The following SORBS3 variants were observed in gnomAD, a reference collection of about 807,000 sequenced individuals.
The protein encoded by SORBS3 is vinexin.
A neutral mutation model predicts 98.0 loss-of-function variants in SORBS3; 69 were observed. The ratio of observed to expected loss-of-function variants is 0.70; its 90% CI spans 0.58 to 0.86. The LOEUF is 0.86. Among genes scored for constraint, SORBS3 ranks in the 40% least tolerant of loss-of-function variants. The probability of loss-of-function intolerance (pLI) is 0.00; values close to 1 mark genes in which losing one functional copy is unlikely to be tolerated. For missense variants in SORBS3, 954 were observed against 908.5 expected (o/e 1.05, Z -0.64); for synonymous variants, 394 against 355.4 (o/e 1.11, Z -1.22).
chr8:22,559,057 G>C (rs1443587503), intron 5 of SORBS3, among the ~76,000 whole-genome samples: 2 of 152,340 alleles, frequency 1.3e-5, no homozygotes, highest in Non-Finnish European at 1.5e-5. Flanking sequence ...AAATAAGGAG[G>C]AGCCACTGAG....
Position 22,561,932 on chromosome 8 carries a change from G to A in SORBS3, c.584+1G>A, listed in dbSNP as rs775885169. On this transcript the variant is annotated splice_donor_variant, in intron 7 of 20. Transcript: ENST00000240123. LOFTEE classifies it high-confidence loss of function. ...CCGGCCCGGCAACATCTTCCAGTGGGTGAGCACAGTGGGGCGGGGCCGAGG... is the reference window on the plus strand; with the variant it reads ...CCGGCCCGGCAACATCTTCCAGTGGATGAGCACAGTGGGGCGGGGCCGAGG... The A allele has an allele frequency of 3.1e-6, 5 of 1,614,026 alleles. No individual in the cohort carries two copies. In the South Asian group the frequency reaches 5.5e-5, roughly 18 times the overall value.
In SORBS3 at chr8:22,565,815, TC is replaced by T; in HGVS notation, c.904-7del. On this transcript the variant is annotated splice_polypyrimidine_tract_variant and intron_variant, in intron 11 of 20. Transcript: ENST00000240123. ...GGTCGCGGGCCCTGATTGCGCCGTT[TC>T]CCCGCGCAGAGCTCGCCGGCGCCCC... The T allele has an allele frequency of 7.6e-7, 1 of 1,316,622 alleles. No individual in the cohort carries two copies. Among genetic ancestry groups the T allele is most frequent in the Non-Finnish European group, 9.7e-7 (1 of 1,031,434 alleles). The allele number at this position is 1,316,622 out of a possible 1,614,324, so 81.6% of individuals were successfully genotyped here. A position where few individuals can be genotyped will look rare whatever the true frequency, so the allele number is the denominator to read the frequency against.
chr8:22,565,864 C>A lies in SORBS3; in HGVS notation c.942C>A (p.Pro314=). 1 of 1,270,142 alleles carries A rather than the reference C, an allele frequency of 7.9e-7. No individual in the cohort carries two copies. The highest frequency in any genetic ancestry group is 9.9e-7 in the Non-Finnish European group (1 of 1,008,398). The allele number at this position is 1,270,142 out of a possible 1,614,324, so 78.7% of individuals were successfully genotyped here. The change falls in exon 12 of 21, where the codon CCC becomes CCA. Residue 314 remains proline (P), a synonymous_variant. Coordinates refer to ENST00000240123, the MANE Select transcript of SORBS3 (RefSeq NM_005775.5). ...PAPRRAPEQR[P]PAGPASAWSS... ...CCCGACGGGCCCCGGAGCAGCGGCC[C>A]CCGGCCGGGTGAGTGGGAGACGCGG...
Position 22,554,398 on chromosome 8 carries a change from G to T in SORBS3, c.-55-54G>T. The T allele has an allele frequency of 6.7e-7, 1 of 1,499,694 alleles. No homozygotes were observed. The highest frequency in any genetic ancestry group is 2.4e-5 in the East Asian group (1 of 42,330). 92.9% of individuals were successfully genotyped at this position (1,499,694 alleles called of 1,614,324 possible). ...CCCTATCCCAGGGTCGAGCCAAGAG[G>T]GCATGGGCAGCCTAGCCTAGCAGGG... On this transcript the variant is annotated intron_variant, in intron 1 of 20. Transcript: ENST00000240123. This position sits in a 1 kb window ranked among gnomAD's most constrained non-coding sequence, Gnocchi z 6.5.
intron 17 of SORBS3, 120 bp from the exon 18 acceptor site, chr8:22,570,790 C>T: frequency 4.6e-6 from 4 of 860,354 alleles, no homozygotes; most frequent in Non-Finnish European, 6.9e-6. Context: ...TGCTGGCCCC[C>T]TGCGATTCCG....
chr8:22,566,389 T>C lies in SORBS3; in HGVS notation c.995T>C (p.Leu332Pro). 6.2e-7 allele frequency: 1 copy of C among 1,614,052 alleles called. No homozygotes were observed. Among genetic ancestry groups the C allele is most frequent in the South Asian group, 1.1e-5 (1 of 91,088 alleles). ...WSSSYPHAPY[L>P]GSARSLSPHK... Reference sequence around the variant, plus strand: ...TCCAGCTACCCACATGCACCTTACCTGGGTTCCGCCCGGTCCCTGAGTCCC... The same window carrying C: ...TCCAGCTACCCACATGCACCTTACCCGGGTTCCGCCCGGTCCCTGAGTCCC... The change falls in exon 13 of 21, where the codon CTG becomes CCG. Residue 332 changes from leucine (L) to proline (P), a missense_variant. Transcript: ENST00000240123.
chr8:22,558,053 A>T (rs1840220369), intron 4 of SORBS3, 76 bp from the exon 5 acceptor site: 3 of 1,446,396 alleles, frequency 2.1e-6, no homozygotes. Context: ...GGGACTCACT[A>T]GGGAAAGATT....
intron 11 of SORBS3, 136 bp downstream of exon 11, chr8:22,565,490 G>A (rs2117262280): frequency 1.5e-6 from 1 of 671,722 alleles, no homozygotes; most frequent in East Asian, 3.7e-5. Context: ...CCGGCCTCGG[G>A]CCCTCCTGGG....
rs113238005 is a variant in SORBS3, at chr8:22,554,182, C to T, written c.-55-270C>T. On this transcript the variant is annotated intron_variant, in intron 1 of 20. Transcript: ENST00000240123. The surrounding 1 kb of genome is among the most constrained non-coding windows in gnomAD (Gnocchi z 6.5). The stretch of plus-strand genomic sequence containing the variant: ...GCTCCTGGCCAGCCCCTCCCCTCCT[C>T]CTCACCCAAGCTCCCCCTCCCCCAC... 3.4e-3 allele frequency: 792 copies of T among 233,718 alleles called. 10 individuals carry two copies. Among genetic ancestry groups the T allele is most frequent in the African/African-American group, 0.016 (699 of 43,840 alleles). The allele number at this position is 233,718 out of a possible 1,614,324, so 14.5% of individuals were successfully genotyped here.
chr8:22,560,127 A>T (rs953890552), intron 5 of SORBS3, among the ~76,000 whole-genome samples: 22 of 152,186 alleles, frequency 1.4e-4, no homozygotes, highest in Middle Eastern at 3.4e-3. Context: ...GGGAAACTTT[A>T]AACTTTTAAC....
At chr8:22,568,722 G>C (rs1264929370) in intron 16 of SORBS3, among the ~76,000 whole-genome samples, 2 of 152,210 alleles carry the variant, frequency 1.3e-5, no homozygotes, top group Admixed American at 6.5e-5. Context: ...AGGAAGAACC[G>C]AGACGCTGGA....
chr8:22,556,801 TG>T lies in SORBS3; in HGVS notation c.309del (p.Trp103CysfsTer75), dbSNP rs1372847377. The stretch of plus-strand genomic sequence containing the variant: ...CCCTGCCTCCCAGCACACCCAGAAC[TG>T]GTCAGCCACGTGGACCAAGGACAGC... ...KIPASQHTQN[W>X]SATWTKDSKR... On this transcript the variant is annotated frameshift_variant, in exon 4 of 21. Coordinates refer to ENST00000240123, the MANE Select transcript of SORBS3 (RefSeq NM_005775.5). LOFTEE classifies it high-confidence loss of function. 6.2e-7 allele frequency: 1 copy of T among 1,613,688 alleles called. No individual in the cohort carries two copies. Among genetic ancestry groups the T allele is most frequent in the East Asian group, 2.2e-5 (1 of 44,874 alleles).
rs1427241112 is a variant in SORBS3 at position 22,574,849 on chromosome 8, G to C, written c.*121G>C. Reference sequence around the variant, plus strand: ...AGGACCTGAGCTCCCAGCATCTGCAGACGACCCCCGCAGCCTTTCCCTCGG... The same window carrying C: ...AGGACCTGAGCTCCCAGCATCTGCACACGACCCCCGCAGCCTTTCCCTCGG... On this transcript the variant is annotated 3_prime_UTR_variant, in exon 21 of 21. Coordinates refer to ENST00000240123, the MANE Select transcript of SORBS3 (RefSeq NM_005775.5). 1 of 966,694 alleles carries C rather than the reference G, an allele frequency of 1.0e-6. No individual in the cohort carries two copies. Among genetic ancestry groups the C allele is most frequent in the Non-Finnish European group, 1.7e-6 (1 of 600,888 alleles). 59.9% of individuals were successfully genotyped at this position (966,694 alleles called of 1,614,324 possible). A position where few individuals can be genotyped will look rare whatever the true frequency, so the allele number is the denominator to read the frequency against.
In SORBS3 at chr8:22,574,821, C is replaced by G. The variant is rs756335968; in HGVS notation, c.*93C>G. ...AGGACCCCCGCCCACATCCTCCTTC[C>G]CCAGGACCTGAGCTCCCAGCATCTG... On this transcript the variant is annotated 3_prime_UTR_variant, in exon 21 of 21. Coordinates refer to ENST00000240123, the MANE Select transcript of SORBS3 (RefSeq NM_005775.5). The G allele has an allele frequency of 1.4e-5, 17 of 1,255,702 alleles. No homozygotes were observed. Among genetic ancestry groups the G allele is most frequent in the African/African-American group, 2.9e-5 (2 of 67,930 alleles). The allele number at this position is 1,255,702 out of a possible 1,614,324, so 77.8% of individuals were successfully genotyped here.
Position 22,566,732 on chromosome 8 carries a change from G to A in SORBS3, c.1143+19G>A, listed in dbSNP as rs1466388281. ...GAAGAAGGTAAGGAGGGGACCAGGT[G>A]TGGGGGACCTGGAGTGGTCCCAAGG... On this transcript the variant is annotated intron_variant, in intron 14 of 20. Transcript: ENST00000240123. 2 of 1,613,430 alleles carry A rather than the reference G, an allele frequency of 1.2e-6. No homozygotes were observed. The highest frequency in any genetic ancestry group is 1.3e-5 in the African/African-American group (1 of 74,938).
intron 20 of SORBS3, 128 bp from the exon 21 acceptor site, chr8:22,574,539 C>A (rs911708778): frequency 3.5e-6 from 3 of 865,980 alleles, no homozygotes; most frequent in East Asian, 2.5e-5. Flanking sequence ...AAATCCAATT[C>A]CCTCTCTGGG....
Position 22,564,263 on chromosome 8 carries a change from A to ACCCC in SORBS3, c.676-17_676-16insCCCC. On this transcript the variant is annotated intron_variant, in intron 8 of 20. Coordinates refer to ENST00000240123, the MANE Select transcript of SORBS3 (RefSeq NM_005775.5). Reference sequence around the variant, plus strand: ...CCAGTAGCCCTCTTCACAAGCTGACACCCACCCACCTCCACGCAGGTGCTC... The same window carrying ACCCC: ...CCAGTAGCCCTCTTCACAAGCTGACACCCCCCCACCCACCTCCACGCAGGTGCTC... The ACCCC allele has an allele frequency of 6.4e-7, 1 of 1,569,262 alleles. No individual in the cohort carries two copies. The highest frequency in any genetic ancestry group is 1.4e-5 in the African/African-American group (1 of 73,788).
At chr8:22,548,316 G>A (rs756697100), upstream of SORBS3, among the ~76,000 whole-genome samples, 1 of 152,166 alleles carries the variant, frequency 6.6e-6, no homozygotes, top group Non-Finnish European at 1.5e-5. Context: ...GCAGGAGCAG[G>A]AATCAACAGA....
At position 22,566,284 on chromosome 8, in the gene SORBS3, G is replaced by C; in HGVS notation, c.951-61G>C. The stretch of plus-strand genomic sequence containing the variant: ...GCGATGGGGGGTCAGAGCGGTCTAG[G>C]GGTGACCAGGGTGGGGTGCGGAGCC... On this transcript the variant is annotated intron_variant, in intron 12 of 20. Transcript: ENST00000240123. 2.5e-6 allele frequency: 4 copies of C among 1,580,786 alleles called. No homozygotes were observed. In the South Asian group the frequency reaches 4.7e-5, roughly 18 times the overall value.
Sources: allele counts gnomAD v4.1 joint callset (sites outside exome capture counted in the v4.1 genomes callset), GRCh38; gene constraint gnomAD v4.1.1; non-coding constraint Gnocchi (gnomAD v3.1); transcripts MANE v1.5; gene names NCBI Gene and HGNC (gene_info 2026-07-23, HGNC 2026-07-21).